TRIO: variants seen among roughly 807,000 people sequenced by gnomAD.
TRIO encodes trio Rho guanine nucleotide exchange factor.
TRIO carries 58 observed loss-of-function variants against 351.9 expected under a neutral mutation model. That is an observed-to-expected ratio of 0.16 (90% CI 0.13 to 0.21). The LOEUF is 0.21. Ranked by LOEUF, TRIO falls within the 10% of genes least tolerant of loss-of-function variation. TRIO has a pLI of 1.00. For synonymous variants in TRIO, 1,758 were observed against 1,595.7 expected, an observed-to-expected ratio of 1.10 and a Z score of -2.42; for missense variants, 3,201 against 4,027.8, an observed-to-expected ratio of 0.79 and a Z score of 5.56.
chr5:14,404,312 C>T (rs781683193), intron 31 of TRIO, among the ~76,000 whole-genome samples: 1 of 152,034 alleles, frequency 6.6e-6, no homozygotes, highest in African/African-American at 2.4e-5. Flanking sequence ...GAACTATCCC[C>T]TCTCTTAGCC....
chr5:14,457,140 T>C (rs932812115), intron 34 of TRIO, among the ~76,000 whole-genome samples: 4 of 152,216 alleles, frequency 2.6e-5, no homozygotes, highest in Non-Finnish European at 5.9e-5. Flanking sequence ...AACAAAATTT[T>C]TCTCAAGGTA....
chr5:14,291,693 G>T (rs187769382), intron 5 of TRIO, among the ~76,000 whole-genome samples: 231 of 149,672 alleles, frequency 1.5e-3, no homozygotes, highest in Middle Eastern at 3.5e-3. Context: ...GGAGGCTGAG[G>T]CAGGAGAATC....
At chr5:14,287,133 T>G in intron 4 of TRIO, 70 bp downstream of exon 4, 1 of 1,490,124 alleles carries the variant, frequency 6.7e-7, no homozygotes, top group Non-Finnish European at 9.1e-7. Context: ...TTGAGGCTAA[T>G]GAGAGATTTT....
chr5:14,256,978 T>C (rs1795057127), intron 1 of TRIO, among the ~76,000 whole-genome samples: 1 of 152,250 alleles, frequency 6.6e-6, no homozygotes, highest in Non-Finnish European at 1.5e-5. Context: ...GGCTGGCATC[T>C]TTGTCTGTGT....
intron 1 of TRIO, among the ~76,000 whole-genome samples, chr5:14,234,819 A>G (rs1468218832): frequency 2.6e-5 from 4 of 152,246 alleles, no homozygotes; most frequent in Non-Finnish European, 5.9e-5. Flanking sequence ...TTTATTTGCA[A>G]AAAGTTCTGA....
chr5:14,487,882 C>G lies in TRIO; in HGVS notation c.7254C>G (p.Pro2418=). Residue 2418 remains proline (P), a synonymous_variant, in exon 48 of 57, where the codon CCC becomes CCG. Transcript: ENST00000344204. The part of the protein sequence containing the change: ...PIPKMKVLES[P]RKGAANASGS... ...CCAAGATGAAGGTGCTGGAGAGCCC[C>G]AGGAAAGGCGCCGCGAACGCCTCGG... 1 of 1,541,052 alleles carries G rather than the reference C, an allele frequency of 6.5e-7. No individual in the cohort carries two copies. The highest frequency in any genetic ancestry group is 1.2e-5 in the South Asian group (1 of 83,444).
At chr5:14,470,600 A>G (rs1754612834) in intron 37 of TRIO, among the ~76,000 whole-genome samples, 1 of 152,262 alleles carries the variant, frequency 6.6e-6, no homozygotes, top group Non-Finnish European at 1.5e-5. Context: ...TTTGCTGAAC[A>G]CTTGCAAAGA....
chr5:14,234,057 A>C (rs1793629422), intron 1 of TRIO, among the ~76,000 whole-genome samples: 1 of 152,142 alleles, frequency 6.6e-6, no homozygotes, highest in Non-Finnish European at 1.5e-5. Flanking sequence ...AGGCCTCCCA[A>C]GGTGCTGAGA....
At chr5:14,364,902 T>C in intron 15 of TRIO, 86 bp downstream of exon 15, 1 of 1,466,106 alleles carries the variant, frequency 6.8e-7, no homozygotes, top group South Asian at 1.4e-5. Context: ...ACCTGTAGCA[T>C]TGGGAAGGAT....
chr5:14,315,565 T>C (rs1221867371), intron 8 of TRIO, among the ~76,000 whole-genome samples: 2 of 151,732 alleles, frequency 1.3e-5, no homozygotes, highest in Non-Finnish European at 2.9e-5. Context: ...TACTAGAAAC[T>C]CAAAGAGGTT....
chr5:14,282,185 T>G (rs1463956559), intron 3 of TRIO, among the ~76,000 whole-genome samples: 2 of 152,252 alleles, frequency 1.3e-5, no homozygotes, highest in Non-Finnish European at 2.9e-5. Context: ...GCAGCTGACC[T>G]GTTGAAATCT....
intron 41 of TRIO, among the ~76,000 whole-genome samples, chr5:14,477,748 A>G (rs534113746): frequency 6.6e-6 from 1 of 152,166 alleles, no homozygotes; most frequent in African/African-American, 2.4e-5. Context: ...CGGTCCTGTG[A>G]CATCAGGCAT....
intron 1 of TRIO, among the ~76,000 whole-genome samples, chr5:14,211,915 C>T (rs1243943384): frequency 6.6e-6 from 1 of 150,534 alleles, no homozygotes; most frequent in African/African-American, 2.4e-5. Flanking sequence ...AGTTCAAGAC[C>T]AGCCTAGGCA....
At chr5:14,398,541 G>A (rs1747804414) in intron 29 of TRIO, among the ~76,000 whole-genome samples, 1 of 152,184 alleles carries the variant, frequency 6.6e-6, no homozygotes, top group Non-Finnish European at 1.5e-5. Context: ...AGCTTTCGGT[G>A]GTGGGATGCT....
intron 1 of TRIO, among the ~76,000 whole-genome samples, chr5:14,234,179 G>C (rs1328564047): frequency 6.6e-6 from 1 of 152,202 alleles, no homozygotes; most frequent in Admixed American, 6.5e-5. Flanking sequence ...CCTGTACAAA[G>C]ACGATGTTGA....
At chr5:14,500,071 A>ACTATTCAT (rs1458312861) in intron 53 of TRIO, among the ~76,000 whole-genome samples, 1 of 146,244 alleles carries the variant, frequency 6.8e-6, no homozygotes, top group Non-Finnish European at 1.5e-5. Context: ...AAAAAAAAAG[A>ACTATTCAT]CTATTCATAC....
intron 1 of TRIO, among the ~76,000 whole-genome samples, chr5:14,166,719 G>A (rs937863840): frequency 2.6e-5 from 4 of 152,150 alleles, no homozygotes; most frequent in African/African-American, 9.7e-5. Context: ...GTGGGACGTG[G>A]TAACTATTGA....
intron 34 of TRIO, among the ~76,000 whole-genome samples, chr5:14,437,438 A>G (rs764360496): frequency 6.6e-6 from 1 of 152,092 alleles, no homozygotes; most frequent in Non-Finnish European, 1.5e-5. Context: ...GGAGTATAGT[A>G]CCCCTCACAC....
intron 1 of TRIO, among the ~76,000 whole-genome samples, chr5:14,168,898 C>T (rs762230346): frequency 1.3e-5 from 2 of 152,160 alleles, no homozygotes; most frequent in East Asian, 1.9e-4. Context: ...TCTGGCATTC[C>T]GCTCCTGGCG....
Sources: allele counts gnomAD v4.1 joint callset (sites outside exome capture counted in the v4.1 genomes callset), GRCh38; gene constraint gnomAD v4.1.1; transcripts MANE v1.5; gene names NCBI Gene and HGNC (gene_info 2026-07-23, HGNC 2026-07-21).